The following ZNRF2 variants were observed in gnomAD, a reference collection of about 807,000 sequenced individuals.
The protein encoded by ZNRF2 is zinc and ring finger 2.
A neutral mutation model predicts 20.4 loss-of-function variants in ZNRF2; 16 were observed. The observed-to-expected ratio is 0.79, with a 90% CI of 0.53 to 1.19. ZNRF2 has a LOEUF of 1.19. Ranked by LOEUF, ZNRF2 falls within the 50% of genes most tolerant of loss-of-function variation. The probability of loss-of-function intolerance (pLI) is 0.00; values close to 1 mark genes in which losing one functional copy is unlikely to be tolerated. For synonymous variants in ZNRF2, 178 were observed against 144.9 expected (o/e 1.23, Z -1.64); for missense variants, 363 against 332.4 (o/e 1.09, Z -0.72).
intron 1 of ZNRF2, among the ~76,000 whole-genome samples, chr7:30,321,426 T>G (rs977404738): frequency 6.6e-6 from 1 of 152,196 alleles, no homozygotes; most frequent in East Asian, 1.9e-4. Flanking sequence ...TGCTGCCGAC[T>G]TCTCTCAAGT....
intron 2 of ZNRF2, among the ~76,000 whole-genome samples, chr7:30,339,099 G>A (rs573810909): frequency 6.6e-6 from 1 of 152,162 alleles, no homozygotes; most frequent in East Asian, 1.9e-4. Flanking sequence ...CATATCCTTT[G>A]CCCTCTTTTT....
At position 30,362,512 on chromosome 7, in the gene ZNRF2, C is replaced by G. The variant is rs1800142471; in HGVS notation, c.*22+56C>G. On this transcript the variant is annotated intron_variant, in intron 4 of 4. Transcript: ENST00000323037. ...GTTAGCCCAAATTATACATTCTAAA[C>G]TATAATTTTTATTTATTCATTTACT... is the stretch of plus-strand genomic sequence containing the variant. 5 of 1,094,590 alleles carry G rather than the reference C, an allele frequency of 4.6e-6. No individual in the cohort carries two copies. The South Asian group carries it at 6.1e-5, about 13-fold the overall frequency. The allele number at this position is 1,094,590 out of a possible 1,614,324, so 67.8% of individuals were successfully genotyped here.
At chr7:30,291,008 A>G (rs1798897357) in intron 1 of ZNRF2, among the ~76,000 whole-genome samples, 1 of 152,218 alleles carries the variant, frequency 6.6e-6, no homozygotes, top group African/African-American at 2.4e-5. Context: ...AGAACTGTTA[A>G]CAAAACACTT....
At chr7:30,332,692 A>G (rs1257617819) in intron 2 of ZNRF2, among the ~76,000 whole-genome samples, 6 of 152,180 alleles carry the variant, frequency 3.9e-5, no homozygotes, top group African/African-American at 1.4e-4. Flanking sequence ...ATATTGCTGC[A>G]AATGATATTG....
intron 1 of ZNRF2, among the ~76,000 whole-genome samples, chr7:30,306,010 T>C (rs1799197536): frequency 6.6e-6 from 1 of 152,180 alleles, no homozygotes; most frequent in Admixed American, 6.5e-5. Flanking sequence ...TTTGGGGCTT[T>C]GGCCCAGTCA....
intron 4 of ZNRF2, among the ~76,000 whole-genome samples, chr7:30,364,402 G>C (rs1411645031): frequency 1.3e-5 from 2 of 152,164 alleles, no homozygotes; most frequent in Non-Finnish European, 2.9e-5. Flanking sequence ...CTAATTGCTT[G>C]AGATAAGGAG....
chr7:30,336,282 A>G (rs1007345401), intron 2 of ZNRF2, among the ~76,000 whole-genome samples: 20 of 152,204 alleles, frequency 1.3e-4, no homozygotes, highest in African/African-American at 4.8e-4. Context: ...TATCCGTAGC[A>G]CTGCCTTGGA....
chr7:30,327,079 G>T (rs1347208708), intron 2 of ZNRF2, among the ~76,000 whole-genome samples: 1 of 152,022 alleles, frequency 6.6e-6, no homozygotes, highest in Non-Finnish European at 1.5e-5. Context: ...CCATTCTGTA[G>T]GTTGTCTGTT....
chr7:30,345,652 T>C (rs770570892), intron 2 of ZNRF2, among the ~76,000 whole-genome samples: 3 of 152,146 alleles, frequency 2.0e-5, no homozygotes, highest in Non-Finnish European at 4.4e-5. Flanking sequence ...TTTGTTCTTT[T>C]AGTGGTTACC....
At position 30,365,980 on chromosome 7, in the gene ZNRF2, A is replaced by T. The variant is rs150863902; in HGVS notation, c.*23-55A>T. The T allele has an allele frequency of 2.2e-4, 34 of 152,288 alleles. No homozygotes were observed. The East Asian group carries it at 5.2e-3, about 23-fold the overall frequency. The allele number at this position is 152,288 out of a possible 1,614,324, so 9.4% of individuals were successfully genotyped here. A position where few individuals can be genotyped will look rare whatever the true frequency, so the allele number is the denominator to read the frequency against. On this transcript the variant is annotated intron_variant, in intron 4 of 4. Coordinates refer to ENST00000323037, the MANE Select transcript of ZNRF2 (RefSeq NM_147128.4). ...AGTTTTCAGAATAGTAAGTAAGGGTATGAAGACTTACAGTAACTAAAGCAA... is the reference window on the plus strand; with the variant it reads ...AGTTTTCAGAATAGTAAGTAAGGGTTTGAAGACTTACAGTAACTAAAGCAA...
At chr7:30,323,981 A>T (rs1318661787) in intron 2 of ZNRF2, among the ~76,000 whole-genome samples, 3 of 152,194 alleles carry the variant, frequency 2.0e-5, no homozygotes, top group Admixed American at 2.0e-4. Context: ...TCATAAATTA[A>T]AACAGAATTT....
chr7:30,360,668 C>G (rs1800112870), intron 3 of ZNRF2, among the ~76,000 whole-genome samples: 1 of 152,136 alleles, frequency 6.6e-6, no homozygotes, highest in Non-Finnish European at 1.5e-5. Context: ...GCACTTCAGG[C>G]TGGGCGACAG....
At chr7:30,311,916 A>G (rs1314944425) in intron 1 of ZNRF2, among the ~76,000 whole-genome samples, 1 of 152,118 alleles carries the variant, frequency 6.6e-6, no homozygotes, top group Non-Finnish European at 1.5e-5. Context: ...CTTCCTTGTT[A>G]CCTGTTGATT....
At chr7:30,303,337 A>G (rs887291250) in intron 1 of ZNRF2, among the ~76,000 whole-genome samples, 6 of 152,096 alleles carry the variant, frequency 3.9e-5, no homozygotes, top group Non-Finnish European at 8.8e-5. Context: ...AATTAATTTT[A>G]TAGTAATTTG....
intron 2 of ZNRF2, among the ~76,000 whole-genome samples, chr7:30,344,120 G>A (rs950649346): frequency 1.3e-5 from 2 of 151,384 alleles, no homozygotes; most frequent in Non-Finnish European, 3.0e-5. Flanking sequence ...CGGGGTTTCA[G>A]CATGTTGGCG....
At chr7:30,354,190 A>G (rs932898985) in intron 2 of ZNRF2, among the ~76,000 whole-genome samples, 29 of 152,106 alleles carry the variant, frequency 1.9e-4, no homozygotes, top group African/African-American at 5.3e-4. Context: ...AGGGCACTTC[A>G]GGGAAGTGGT....
intron 2 of ZNRF2, among the ~76,000 whole-genome samples, chr7:30,324,230 T>C (rs2128063513): frequency 6.6e-6 from 1 of 151,700 alleles, no homozygotes; most frequent in South Asian, 2.1e-4. Context: ...CTGGAGAGAA[T>C]GGGAATGAAA....
At chr7:30,304,669 G>A (rs1294807305) in intron 1 of ZNRF2, among the ~76,000 whole-genome samples, 1 of 152,162 alleles carries the variant, frequency 6.6e-6, no homozygotes, top group Non-Finnish European at 1.5e-5. Flanking sequence ...TTAGGGCCAT[G>A]GGTTGGGTCT....
intron 2 of ZNRF2, among the ~76,000 whole-genome samples, chr7:30,352,731 G>T (rs1799977825): frequency 6.6e-6 from 1 of 152,018 alleles, no homozygotes; most frequent in African/African-American, 2.4e-5. Flanking sequence ...TCTACCCCAA[G>T]ATATTCCAGT....
Sources: gnomAD v4.1 joint callset for allele counts (sites outside exome capture counted in the v4.1 genomes callset) on GRCh38, gnomAD v4.1.1 for gene constraint, MANE v1.5 for transcripts, NCBI Gene and HGNC (gene_info 2026-07-23, HGNC 2026-07-21) for gene names.